BRD10: variants seen among roughly 807,000 people sequenced by gnomAD.
BRD10 encodes bromodomain containing 10.
the BRD10 span, among the ~76,000 whole-genome samples, chr9:5,929,757 T>C: frequency 2.0e-5 from 3 of 152,186 alleles, no homozygotes; most frequent in East Asian, 3.9e-4. Context: ...GTATTTCACA[T>C]ATATATATAT....
the BRD10 span, among the ~76,000 whole-genome samples, chr9:5,946,093 TGACAAAAATAA>T: frequency 6.6e-6 from 1 of 152,068 alleles, no homozygotes; most frequent in South Asian, 2.1e-4. Flanking sequence ...GGCTACTGAG[TGACAAAAATAA>T]GACAGAGCCC....
chr9:5,968,741 G>A, the BRD10 span: 1 of 1,613,838 alleles, frequency 6.2e-7, no homozygotes, highest in Non-Finnish European at 8.5e-7. Flanking sequence ...TTTAATGGGT[G>A]GAATTGGAAA....
At chr9:5,913,667 G>C in the BRD10 span, among the ~76,000 whole-genome samples, 14 of 152,128 alleles carry the variant, frequency 9.2e-5, no homozygotes, top group Non-Finnish European at 1.3e-4. Context: ...AAATTACATG[G>C]ATGATGGCAA....
At chr9:5,997,142 G>C in the BRD10 span, among the ~76,000 whole-genome samples, 1 of 152,240 alleles carries the variant, frequency 6.6e-6, no homozygotes, top group South Asian at 2.1e-4. Flanking sequence ...TGAAATAACA[G>C]GTCTTAACAA....
the BRD10 span, chr9:5,924,706 C>T: frequency 3.1e-6 from 5 of 1,597,238 alleles, no homozygotes; most frequent in Non-Finnish European, 4.3e-6. Context: ...TCTGTTGAGT[C>T]TATAGACTTA....
At chr9:5,945,150 A>G in the BRD10 span, among the ~76,000 whole-genome samples, 4 of 152,142 alleles carry the variant, frequency 2.6e-5, no homozygotes, top group East Asian at 1.9e-4. Flanking sequence ...CTTCAGGCTT[A>G]GTATAAAAGA....
chr9:6,004,147 C>T, the BRD10 span, among the ~76,000 whole-genome samples: 1 of 152,344 alleles, frequency 6.6e-6, no homozygotes, highest in East Asian at 1.9e-4. Flanking sequence ...TAGTCTCTTT[C>T]TCTTCCTTAC....
chr9:5,954,945 G>A, the BRD10 span, among the ~76,000 whole-genome samples: 15 of 151,902 alleles, frequency 9.9e-5, no homozygotes, highest in African/African-American at 2.7e-4. Context: ...AAAATTAGCC[G>A]GGTGTGGTGG....
At chr9:5,998,069 T>C in the BRD10 span, among the ~76,000 whole-genome samples, 5 of 152,120 alleles carry the variant, frequency 3.3e-5, no homozygotes, top group Admixed American at 2.6e-4. Context: ...AGCAATTTGG[T>C]GGATGGTCAA....
chr9:5,960,511 G>A, the BRD10 span, among the ~76,000 whole-genome samples: 2 of 149,708 alleles, frequency 1.3e-5, no homozygotes, highest in African/African-American at 2.5e-5. Flanking sequence ...GCAGTGAGCA[G>A]AGAATGCGCC....
chr9:5,992,701 ACTTT>A, the BRD10 span, among the ~76,000 whole-genome samples: 812 of 112,912 alleles, frequency 7.2e-3, 3 homozygotes, highest in African/African-American at 0.022. Flanking sequence ...TTTTACGTTT[ACTTT>A]CTTTCTCCCC....
the BRD10 span, chr9:5,923,320 T>C: frequency 1.5e-4 from 240 of 1,570,108 alleles, no homozygotes; most frequent in African/African-American, 3.0e-3. Context: ...CTGAAAATTA[T>C]AAAAACGGGC....
At chr9:5,913,646 T>C in the BRD10 span, among the ~76,000 whole-genome samples, 1 of 152,238 alleles carries the variant, frequency 6.6e-6, no homozygotes, top group African/African-American at 2.4e-5. Context: ...CTTGCCTGTC[T>C]TCTTTAGCAA....
At chr9:5,945,802 C>T in the BRD10 span, among the ~76,000 whole-genome samples, 135,807 of 151,972 alleles carry the variant, frequency 0.89, 61,555 homozygotes, top group Non-Finnish European at 0.99. Context: ...AAAATTACTG[C>T]GAAAAAGAAC....
At chr9:5,985,204 T>A in the BRD10 span, among the ~76,000 whole-genome samples, 2,680 of 152,302 alleles carry the variant, frequency 0.018, 33 homozygotes, top group Non-Finnish European at 0.029. Flanking sequence ...TGGCTATCCA[T>A]ATGGAAAAAA....
chr9:6,000,539 A>C, the BRD10 span, among the ~76,000 whole-genome samples: 2 of 152,194 alleles, frequency 1.3e-5, no homozygotes, highest in Admixed American at 1.3e-4. Flanking sequence ...AATAAATACA[A>C]GGGCACAAAT....
chr9:5,907,024 A>G, the BRD10 span: 13 of 1,399,728 alleles, frequency 9.3e-6, no homozygotes, highest in East Asian at 2.4e-4. Flanking sequence ...TCATAAGGGT[A>G]TTTTCATGAA....
the BRD10 span, among the ~76,000 whole-genome samples, chr9:5,956,531 T>C: frequency 9.9e-5 from 15 of 152,130 alleles, no homozygotes; most frequent in South Asian, 2.1e-4. Context: ...CAAGGGATAA[T>C]AGTATTACCT....
the BRD10 span, chr9:6,007,850 G>A: frequency 7.3e-7 from 1 of 1,376,234 alleles, no homozygotes. Flanking sequence ...GGACGCGTGA[G>A]CGCGAGCCGC....
Sources: allele counts gnomAD v4.1 joint callset (sites outside exome capture counted in the v4.1 genomes callset), GRCh38; gene constraint gnomAD v4.1.1; transcripts MANE v1.5; gene names NCBI Gene and HGNC (gene_info 2026-07-23, HGNC 2026-07-21).